Variants in RHBDD1 observed in about 807,000 individuals in gnomAD.
RHBDD1 encodes the protein rhomboid domain containing 1, also known as rhomboid-related protein 4.
RHBDD1 carries 38 observed loss-of-function variants against 36.3 expected under a neutral mutation model. That is an observed-to-expected ratio of 1.05 (90% CI 0.81 to 1.37). RHBDD1 has a LOEUF of 1.37. Among genes scored for constraint, RHBDD1 ranks in the 40% most tolerant of loss-of-function variants. RHBDD1 has a pLI of 0.00. For synonymous variants in RHBDD1, 151 were observed against 136.5 expected (o/e 1.11, Z -0.74); for missense variants, 393 against 377.6 (o/e 1.04, Z -0.34).
intron 8 of RHBDD1, chr2:226,969,097 G>GA (rs1952945837): frequency 5.0e-6 from 1 of 199,182 alleles, no homozygotes; most frequent in African/African-American, 2.3e-5. Context: ...CCACCAACCA[G>GA]AAGCTACTCT....
At chr2:226,966,630 A>G (rs1952651153) in intron 8 of RHBDD1, among the ~76,000 whole-genome samples, 1 of 152,212 alleles carries the variant, frequency 6.6e-6, no homozygotes. Flanking sequence ...ATTTTAATTC[A>G]TATAAATTTA....
chr2:226,887,770 CTT>C (rs1288040423), intron 5 of RHBDD1, among the ~76,000 whole-genome samples: 2 of 152,248 alleles, frequency 1.3e-5, no homozygotes, highest in East Asian at 3.9e-4. Context: ...AGAAAAATGA[CTT>C]TATAAACTTG....
intron 8 of RHBDD1, among the ~76,000 whole-genome samples, chr2:226,947,427 A>G (rs1951061288): frequency 1.3e-5 from 2 of 151,834 alleles, no homozygotes; most frequent in African/African-American, 4.8e-5. Context: ...ATGCGGCGTT[A>G]TTTCTGAGGG....
intron 5 of RHBDD1, among the ~76,000 whole-genome samples, chr2:226,881,144 C>G (rs1317472525): frequency 4.1e-5 from 6 of 146,646 alleles, no homozygotes; most frequent in Non-Finnish European, 9.3e-5. Flanking sequence ...ATGAAACCAC[C>G]AGATCTCCTG....
chr2:226,866,195 C>A (rs906441710), intron 4 of RHBDD1, among the ~76,000 whole-genome samples: 3 of 152,060 alleles, frequency 2.0e-5, no homozygotes, highest in Non-Finnish European at 4.4e-5. Flanking sequence ...CACAGCCTCC[C>A]GAGTAGCTGG....
At chr2:226,900,213 A>G (rs1327034971) in intron 5 of RHBDD1, among the ~76,000 whole-genome samples, 3 of 152,198 alleles carry the variant, frequency 2.0e-5, no homozygotes, top group Non-Finnish European at 2.9e-5. Flanking sequence ...TTAGTTTAAG[A>G]ACTACTGGAT....
Position 226,907,817 on chromosome 2 carries a change from G to A in RHBDD1, c.655+936G>A, listed in dbSNP as rs13418300. On this transcript the variant is annotated intron_variant, in intron 6 of 8. Transcript: ENST00000392062. ...GCTTATTAATGTGTTTCCACTGTAC[G>A]TACTTAGAGGAGGCAGTGGGAGCTT... 5.8e-3 allele frequency among the ~76,000 whole-genome samples: 890 copies of A among 152,252 alleles called. 6 individuals are homozygous for A. The highest frequency in any genetic ancestry group is 0.02 in the African/African-American group (850 of 41,552).
intron 8 of RHBDD1, among the ~76,000 whole-genome samples, chr2:226,958,155 A>C (rs1015721250): frequency 3.9e-5 from 6 of 152,266 alleles, no homozygotes; most frequent in Admixed American, 1.3e-4. Context: ...CAAATTGATA[A>C]ATAAAATGTG....
intron 5 of RHBDD1, among the ~76,000 whole-genome samples, chr2:226,900,961 A>G (rs931707243): frequency 6.6e-6 from 1 of 152,188 alleles, no homozygotes; most frequent in Non-Finnish European, 1.5e-5. Flanking sequence ...ACCATGCTGT[A>G]TATTAGCTCT....
At chr2:226,817,204 A>G in the RHBDD1 span, among the ~76,000 whole-genome samples, 1 of 152,218 alleles carries the variant, frequency 6.6e-6, no homozygotes, top group Admixed American at 6.5e-5. Flanking sequence ...GCAAGGTCAG[A>G]AGTTATACTA....
intron 8 of RHBDD1, among the ~76,000 whole-genome samples, chr2:226,943,034 G>C (rs1047721046): frequency 6.6e-6 from 1 of 152,120 alleles, no homozygotes; most frequent in Non-Finnish European, 1.5e-5. Context: ...TTGTGTTGCT[G>C]GTGAGAAAAA....
intron 8 of RHBDD1, among the ~76,000 whole-genome samples, chr2:226,993,917 A>G (rs979859808): frequency 2.6e-5 from 4 of 152,104 alleles, no homozygotes; most frequent in African/African-American, 9.7e-5. Context: ...AAAAGGTGCC[A>G]CTCTTGGGCA....
chr2:226,907,899 G>A (rs1446373167), intron 6 of RHBDD1, among the ~76,000 whole-genome samples: 3 of 152,088 alleles, frequency 2.0e-5, no homozygotes, highest in Non-Finnish European at 4.4e-5. Flanking sequence ...ATACTCATTA[G>A]TACTGATAAA....
At chr2:226,817,899 A>T in the RHBDD1 span, among the ~76,000 whole-genome samples, 3 of 152,238 alleles carry the variant, frequency 2.0e-5, no homozygotes, top group Non-Finnish European at 1.5e-5. Context: ...TTTACAGTTC[A>T]CATGTTGACA....
chr2:226,909,350 C>T (rs146972333), intron 7 of RHBDD1, among the ~76,000 whole-genome samples: 2 of 152,246 alleles, frequency 1.3e-5, no homozygotes, highest in Admixed American at 1.3e-4. Context: ...TTCTAAGTAT[C>T]TGTGTAAATA....
chr2:226,815,038 G>C, the RHBDD1 span, among the ~76,000 whole-genome samples: 2 of 152,300 alleles, frequency 1.3e-5, no homozygotes, highest in African/African-American at 4.8e-5. Flanking sequence ...TCAGGAGCTG[G>C]AGCTGCCTGC....
the RHBDD1 span, among the ~76,000 whole-genome samples, chr2:226,800,772 T>C: frequency 1.3e-5 from 2 of 152,178 alleles, no homozygotes; most frequent in Non-Finnish European, 2.9e-5. Flanking sequence ...CCCACACCCA[T>C]TGAACCACCC....
chr2:226,903,124 A>G (rs949266983), intron 5 of RHBDD1, among the ~76,000 whole-genome samples: 4 of 152,234 alleles, frequency 2.6e-5, no homozygotes, highest in African/African-American at 9.6e-5. Flanking sequence ...TCAAACTGCC[A>G]CTTTCTTTGT....
chr2:226,834,909 G>A (rs1940842673), upstream of RHBDD1, among the ~76,000 whole-genome samples: 1 of 152,038 alleles, frequency 6.6e-6, no homozygotes, highest in Non-Finnish European at 1.5e-5. Context: ...CCGAGTAGCC[G>A]GGATTACAGG....
Sources: gnomAD v4.1 joint callset for allele counts (sites outside exome capture counted in the v4.1 genomes callset) on GRCh38, gnomAD v4.1.1 for gene constraint, MANE v1.5 for transcripts, NCBI Gene and HGNC (gene_info 2026-07-23, HGNC 2026-07-21) for gene names.